The following PTPRD variants were observed in gnomAD, a reference collection of about 807,000 sequenced individuals.
The protein encoded by PTPRD is protein tyrosine phosphatase receptor type D.
A neutral mutation model predicts 214.5 loss-of-function variants in PTPRD; 34 were observed. That is an observed-to-expected ratio of 0.16 (90% confidence interval 0.12 to 0.21). The LOEUF (loss-of-function observed/expected upper bound fraction) is 0.21, where lower values mean the gene tolerates loss of function less well. PTPRD is among the 10% of genes least tolerant of loss of function. PTPRD has a pLI of 1.00. For missense variants in PTPRD, 2,545 were observed against 2,398.7 expected (o/e 1.06, Z -1.27); for synonymous variants, 1,128 against 845.7 (o/e 1.33, Z -5.79).
At chr9:9,940,952 A>C (rs559998033) in intron 4 of PTPRD, among the ~76,000 whole-genome samples, 72 of 152,204 alleles carry the variant, frequency 4.7e-4, no homozygotes, top group Non-Finnish European at 8.4e-4. Flanking sequence ...AGCTCTCCAC[A>C]AATCACTTAG....
chr9:9,159,654 T>A (rs752687421), intron 10 of PTPRD, among the ~76,000 whole-genome samples: 2 of 152,148 alleles, frequency 1.3e-5, no homozygotes, highest in Non-Finnish European at 2.9e-5. Flanking sequence ...ACAGGTTGAA[T>A]ACAATCCCTA....
At chr9:9,391,395 T>A (rs1036613389) in intron 9 of PTPRD, among the ~76,000 whole-genome samples, 1 of 152,204 alleles carries the variant, frequency 6.6e-6, no homozygotes, top group Non-Finnish European at 1.5e-5. Context: ...ATTTGACTAA[T>A]GGGTAAAACA....
intron 3 of PTPRD, among the ~76,000 whole-genome samples, chr9:10,214,057 T>A (rs2099529426): frequency 6.6e-6 from 1 of 152,064 alleles, no homozygotes; most frequent in Non-Finnish European, 1.5e-5. Context: ...AATAAGCCCC[T>A]CATATATGTA....
intron 4 of PTPRD, among the ~76,000 whole-genome samples, chr9:9,992,383 C>T (rs919484811): frequency 3.3e-5 from 5 of 152,164 alleles, no homozygotes; most frequent in African/African-American, 1.2e-4. Context: ...ATTGTGGAAG[C>T]CAGTGTGGCG....
chr9:10,095,826 G>A (rs1350731213), intron 3 of PTPRD, among the ~76,000 whole-genome samples: 1 of 151,460 alleles, frequency 6.6e-6, no homozygotes, highest in South Asian at 2.1e-4. Context: ...GATTTAAACT[G>A]CCATTATCTC....
At chr9:9,082,575 T>G (rs918277413) in intron 10 of PTPRD, among the ~76,000 whole-genome samples, 2 of 152,060 alleles carry the variant, frequency 1.3e-5, no homozygotes, top group African/African-American at 2.4e-5. Context: ...GAGAAAGAAA[T>G]AAAGGGTATT....
chr9:10,009,009 A>G (rs1171369841), intron 4 of PTPRD, among the ~76,000 whole-genome samples: 1 of 151,916 alleles, frequency 6.6e-6, no homozygotes, highest in Non-Finnish European at 1.5e-5. Flanking sequence ...GCTTATTGAC[A>G]AATCAAACTT....
chr9:9,505,004 C>T (rs1190007039), intron 8 of PTPRD, among the ~76,000 whole-genome samples: 1 of 151,636 alleles, frequency 6.6e-6, no homozygotes, highest in African/African-American at 2.4e-5. Context: ...TCAACAACTA[C>T]TTAGACTAGC....
chr9:9,495,664 G>C (rs2096146664), intron 8 of PTPRD, among the ~76,000 whole-genome samples: 1 of 152,218 alleles, frequency 6.6e-6, no homozygotes, highest in East Asian at 1.9e-4. Context: ...TCTCTGCTGA[G>C]AGCTGTTTTC....
chr9:10,250,698 T>C (rs1200024306), intron 3 of PTPRD, among the ~76,000 whole-genome samples: 2 of 152,070 alleles, frequency 1.3e-5, no homozygotes, highest in South Asian at 2.1e-4. Context: ...TCTGGAACTA[T>C]AGGCTATATG....
At chr9:9,406,880 G>A (rs1182009726) in intron 8 of PTPRD, among the ~76,000 whole-genome samples, 2 of 147,406 alleles carry the variant, frequency 1.4e-5, no homozygotes, top group African/African-American at 5.0e-5. Context: ...GTCTTCCGTA[G>A]AAAAGGCATT....
chr9:8,892,609 G>GTA (rs996147809), intron 11 of PTPRD, among the ~76,000 whole-genome samples: 1 of 136,192 alleles, frequency 7.3e-6, no homozygotes, highest in African/African-American at 2.6e-5. Context: ...ATATATGTGT[G>GTA]TATATATATG....
intron 7 of PTPRD, among the ~76,000 whole-genome samples, chr9:9,671,770 G>A (rs776649051): frequency 5.9e-5 from 9 of 152,048 alleles, no homozygotes; most frequent in Non-Finnish European, 1.2e-4. Flanking sequence ...TTCACCTCCC[G>A]CCATGATTCT....
intron 9 of PTPRD, among the ~76,000 whole-genome samples, chr9:9,263,254 A>G (rs73390810): frequency 0.017 from 2,583 of 151,682 alleles, 72 homozygotes; most frequent in African/African-American, 0.059. Flanking sequence ...TCACAAGTAC[A>G]TATCATTTTT....
chr9:8,911,213 T>A (rs1452327134), intron 11 of PTPRD, among the ~76,000 whole-genome samples: 4 of 152,224 alleles, frequency 2.6e-5, no homozygotes, highest in African/African-American at 9.6e-5. Flanking sequence ...AAGAACTTGC[T>A]ATAAACAATG....
At chr9:9,681,283 T>A (rs1225106305) in intron 7 of PTPRD, among the ~76,000 whole-genome samples, 1 of 151,726 alleles carries the variant, frequency 6.6e-6, no homozygotes, top group African/African-American at 2.4e-5. Flanking sequence ...GTGGACAGAT[T>A]GTTTGTCTCA....
chr9:9,631,881 A>G (rs2095606030), intron 7 of PTPRD, among the ~76,000 whole-genome samples: 3 of 152,188 alleles, frequency 2.0e-5, no homozygotes, highest in African/African-American at 7.2e-5. Context: ...AGTAATTGGA[A>G]AAGATAAATC....
chr9:9,065,231 T>A (rs2099724857), intron 10 of PTPRD, among the ~76,000 whole-genome samples: 1 of 152,038 alleles, frequency 6.6e-6, no homozygotes, highest in African/African-American at 2.4e-5. Flanking sequence ...AAGGATAGGG[T>A]GAAAAGGGGT....
Position 8,877,358 on chromosome 9 carries a change from T to C in PTPRD, c.-104+141339A>G, listed in dbSNP as rs183767949. Among the ~76,000 whole-genome samples, 3 of 152,314 alleles carry C rather than the reference T, an allele frequency of 2.0e-5. No individual in the cohort carries two copies. The East Asian group carries it at 5.8e-4, about 29-fold the overall frequency. On this transcript the variant is annotated intron_variant, in intron 11 of 45. Transcript: ENST00000381196. ...AATTAATAGTTTATTAAACGTTGTT[T>C]AATCTACCTGAATAGGTAAACACCT...
Sources: allele counts gnomAD v4.1 joint callset (sites outside exome capture counted in the v4.1 genomes callset), GRCh38; gene constraint gnomAD v4.1.1; transcripts MANE v1.5; gene names NCBI Gene and HGNC (gene_info 2026-07-23, HGNC 2026-07-21).